The following ETV1 variants were observed in gnomAD, a reference collection of about 807,000 sequenced individuals.
The protein encoded by ETV1 is ETS translocation variant 1.
In ETV1, 27 loss-of-function variants were observed where a neutral mutation model predicts 62.3. The observed-to-expected ratio is 0.43, with a 90% CI of 0.32 to 0.60. The LOEUF (loss-of-function observed/expected upper bound fraction) is 0.60. Ranked by LOEUF, ETV1 falls within the 20% of genes least tolerant of loss-of-function variation. The probability of loss-of-function intolerance (pLI) is 0.06; values close to 1 mark genes in which losing one functional copy is unlikely to be tolerated. For synonymous variants in ETV1, 222 were observed against 199.6 expected, an observed-to-expected ratio of 1.11 and a Z score of -0.94; for missense variants, 605 against 605.8, an observed-to-expected ratio of 1.00 and a Z score of 0.01.
intron 5 of ETV1, among the ~76,000 whole-genome samples, chr7:13,979,935 AAT>A (rs1177542928): frequency 6.6e-6 from 1 of 152,250 alleles, no homozygotes; most frequent in East Asian, 1.9e-4. Flanking sequence ...TGTGTGCTGG[AAT>A]ATGTGTGAGG....
chr7:13,963,910 G>A (rs1339366660), intron 6 of ETV1, among the ~76,000 whole-genome samples: 1 of 152,154 alleles, frequency 6.6e-6, no homozygotes, highest in Non-Finnish European at 1.5e-5. Context: ...TAATGCAACA[G>A]CCTTTAATCT....
chr7:13,903,120 A>C (rs143632731), intron 12 of ETV1, among the ~76,000 whole-genome samples: 2 of 152,136 alleles, frequency 1.3e-5, no homozygotes, highest in Non-Finnish European at 2.9e-5. Context: ...ACACCACTCA[A>C]AGTCAAGGCA....
chr7:13,952,088 G>C (rs1044556609), intron 6 of ETV1, among the ~76,000 whole-genome samples: 1 of 152,136 alleles, frequency 6.6e-6, no homozygotes, highest in African/African-American at 2.4e-5. Context: ...ACGTCAGTTA[G>C]GACAAGGTAT....
chr7:13,898,590 A>AT (rs1004176484), intron 13 of ETV1, among the ~76,000 whole-genome samples: 44 of 152,196 alleles, frequency 2.9e-4, no homozygotes, highest in South Asian at 1.2e-3. Context: ...CCAGTTTTCA[A>AT]TTTTTTTAAC....
intron 9 of ETV1, among the ~76,000 whole-genome samples, chr7:13,929,952 C>T (rs949061669): frequency 6.6e-6 from 1 of 152,094 alleles, no homozygotes; most frequent in Non-Finnish European, 1.5e-5. Context: ...TAACTCAAGA[C>T]CTGGAGGTAG....
chr7:13,921,499 G>A lies in ETV1; in HGVS notation c.802+10003C>T, dbSNP rs535539915. Among the ~76,000 whole-genome samples the A allele has an allele frequency of 1.2e-4, 19 of 152,188 alleles. No individual in the cohort carries two copies. In the South Asian group the frequency reaches 3.9e-3, roughly 32 times the overall value. On this transcript the variant is annotated intron_variant, in intron 9 of 13. Coordinates refer to ENST00000430479, the MANE Select transcript of ETV1 (RefSeq NM_004956.5). ...GAAAAAAACACTTTTTTCTTTCAGT[G>A]ACCTGAAGCCATGTGAGAAAAAAGT...
At chr7:13,929,511 A>C (rs919872622) in intron 9 of ETV1, among the ~76,000 whole-genome samples, 2 of 152,166 alleles carry the variant, frequency 1.3e-5, no homozygotes, top group African/African-American at 2.4e-5. Context: ...CAGTCTTCAG[A>C]TCCTGACACA....
intron 6 of ETV1, among the ~76,000 whole-genome samples, chr7:13,950,065 G>T (rs76892424): frequency 1.3e-5 from 2 of 152,018 alleles, no homozygotes; most frequent in African/African-American, 4.8e-5. Flanking sequence ...GGAACATCAG[G>T]GTTTTTAAAC....
intron 9 of ETV1, among the ~76,000 whole-genome samples, chr7:13,919,054 AT>A (rs1466617184): frequency 6.6e-6 from 1 of 152,178 alleles, no homozygotes; most frequent in Non-Finnish European, 1.5e-5. Flanking sequence ...TTGAAGAAGT[AT>A]CTAGTCAAAA....
At chr7:13,922,921 G>T (rs915708911) in intron 9 of ETV1, among the ~76,000 whole-genome samples, 3 of 152,150 alleles carry the variant, frequency 2.0e-5, no homozygotes, top group Non-Finnish European at 4.4e-5. Context: ...CCTAGAACAC[G>T]TATCTCATCT....
Position 13,988,642 on chromosome 7 carries a change from A to T in ETV1, c.45+366T>A, listed in dbSNP as rs751547963. On this transcript the variant is annotated intron_variant, in intron 3 of 13. Transcript: ENST00000430479. ...TGAGAAAAAAAAAAGAAACAAAAAC[A>T]CCCCATATAAACAAAAAGTGTCAGC... 7.1e-6 allele frequency: 11 copies of T among 1,558,224 alleles called. No homozygotes were observed. The South Asian group carries it at 1.3e-4, about 19-fold the overall frequency.
intron 5 of ETV1, among the ~76,000 whole-genome samples, chr7:13,980,665 A>C (rs1277222758): frequency 1.3e-5 from 2 of 152,128 alleles, no homozygotes; most frequent in African/African-American, 4.8e-5. Flanking sequence ...GAGCGGCTCT[A>C]TCAGTTCATT....
In ETV1 at chr7:13,895,894, T is replaced by C. The variant is rs560856535; in HGVS notation, c.1406A>G (p.His469Arg). 1.9e-6 allele frequency: 3 copies of C among 1,613,474 alleles called. No homozygotes were observed. Among genetic ancestry groups the C allele is most frequent in the South Asian group, 1.1e-5 (1 of 90,988 alleles). The change falls in exon 14 of 14, where the codon CAC becomes CGC. Residue 469 changes from histidine (H) to arginine (R), a missense_variant. By Grantham distance (29) the His-to-Arg change is conservative. Around this residue, in one of 3 missense-constraint regions of ETV1, gnomAD observed 79 missense variants for 71.6 expected, o/e 1.10. Transcript: ENST00000430479. ...ATACACGTAGCCTTCGTTGTAGGGG[T>C]GGGGGTTGCAGCAGCCCCCTTCCGG... ...YMPEGGCCNP[H>R]PYNEGYVY
At chr7:13,898,508 A>G (rs1782069356) in intron 13 of ETV1, among the ~76,000 whole-genome samples, 1 of 152,230 alleles carries the variant, frequency 6.6e-6, no homozygotes, top group African/African-American at 2.4e-5. Flanking sequence ...AAGTACACAT[A>G]GGCATTGTCT....
At chr7:13,956,408 A>G (rs1356661800) in intron 6 of ETV1, among the ~76,000 whole-genome samples, 2 of 152,088 alleles carry the variant, frequency 1.3e-5, no homozygotes, top group African/African-American at 4.8e-5. Context: ...AGAACTCCAT[A>G]TAATAAGATC....
chr7:13,980,773 C>T (rs912479236), intron 5 of ETV1, among the ~76,000 whole-genome samples: 2 of 152,002 alleles, frequency 1.3e-5, no homozygotes, highest in Non-Finnish European at 2.9e-5. Context: ...GATTATTATC[C>T]AAAGTTGTTT....
At chr7:13,927,552 T>G (rs1785575334) in intron 9 of ETV1, among the ~76,000 whole-genome samples, 1 of 152,114 alleles carries the variant, frequency 6.6e-6, no homozygotes, top group Admixed American at 6.5e-5. Context: ...CACCAATAGG[T>G]GAAAAAAGAA....
chr7:13,990,166 A>T (rs117221553), upstream of ETV1, among the ~76,000 whole-genome samples: 15 of 151,776 alleles, frequency 9.9e-5, no homozygotes, highest in Non-Finnish European at 2.1e-4. Flanking sequence ...CCTCATTCCC[A>T]CTCAGCTTTT....
intron 4 of ETV1, among the ~76,000 whole-genome samples, chr7:13,987,831 A>G (rs548660560): frequency 1.3e-5 from 2 of 152,354 alleles, no homozygotes; most frequent in East Asian, 3.9e-4. Flanking sequence ...GTATTTAAAC[A>G]CAAAACAATG....
Sources: gnomAD v4.1 joint callset for allele counts (sites outside exome capture counted in the v4.1 genomes callset) on GRCh38, gnomAD v4.1.1 for gene constraint, gnomAD v4.1.1 regional missense constraint, MANE v1.5 for transcripts, NCBI Gene and HGNC (gene_info 2026-07-23, HGNC 2026-07-21) for gene names.